SYT16: variants seen among roughly 807,000 people sequenced by gnomAD.
The protein encoded by SYT16 is synaptotagmin 16.
Under a neutral mutation model 61.4 loss-of-function variants are expected in SYT16, and 42 were observed. That is an observed-to-expected ratio of 0.68 (90% CI 0.53 to 0.89). SYT16 has a LOEUF of 0.89. Among genes scored for constraint, SYT16 ranks in the 40% least tolerant of loss-of-function variants. The pLI, the probability that SYT16 is intolerant of heterozygous loss-of-function variation, is 0.00. For missense variants in SYT16, 804 were observed against 807.3 expected (o/e 1.00, Z 0.05); for synonymous variants, 314 against 302.3 (o/e 1.04, Z -0.40).
intron 7 of SYT16, among the ~76,000 whole-genome samples, chr14:62,099,847 C>T (rs1343773872): frequency 6.6e-6 from 1 of 152,088 alleles, no homozygotes; most frequent in Non-Finnish European, 1.5e-5. Context: ...CACTGCACCC[C>T]AGCCTGGGCA....
intron 1 of SYT16, chr14:61,832,237 G>T (rs1323644644): frequency 1.3e-5 from 8 of 622,636 alleles, no homozygotes; most frequent in Middle Eastern, 2.8e-4. Context: ...TCGGGTACGG[G>T]ATAGTCACGT....
At chr14:62,089,824 G>C (rs2057010857) in intron 7 of SYT16, among the ~76,000 whole-genome samples, 1 of 152,216 alleles carries the variant, frequency 6.6e-6, no homozygotes, top group East Asian at 1.9e-4. Context: ...TGAAAAAGCA[G>C]TGTATAGTGT....
chr14:62,095,871 T>C (rs1357957772), intron 7 of SYT16, among the ~76,000 whole-genome samples: 3 of 151,992 alleles, frequency 2.0e-5, no homozygotes, highest in African/African-American at 7.2e-5. Context: ...AAAAAGATGG[T>C]AGAGGGATTA....
chr14:61,838,327 C>T (rs2046196129), intron 1 of SYT16, among the ~76,000 whole-genome samples: 1 of 152,180 alleles, frequency 6.6e-6, no homozygotes, highest in Non-Finnish European at 1.5e-5. Context: ...GCCCAGTCCA[C>T]TCCCCACAGT....
chr14:62,000,447 TG>T (rs1293422071), intron 3 of SYT16, among the ~76,000 whole-genome samples: 1 of 151,940 alleles, frequency 6.6e-6, no homozygotes, highest in Non-Finnish European at 1.5e-5. Flanking sequence ...CTATTTTATG[TG>T]GTAGGTTTCT....
At chr14:61,826,228 C>G (rs747901395) in intron 1 of SYT16, among the ~76,000 whole-genome samples, 1 of 151,974 alleles carries the variant, frequency 6.6e-6, no homozygotes, top group Non-Finnish European at 1.5e-5. Flanking sequence ...CACTCACTCA[C>G]GCTGGGACCA....
At chr14:61,979,497 A>G (rs1042858827) in intron 2 of SYT16, among the ~76,000 whole-genome samples, 3 of 152,170 alleles carry the variant, frequency 2.0e-5, no homozygotes, top group Non-Finnish European at 2.9e-5. Flanking sequence ...CCTTTTAGGC[A>G]TGGCCTACTC....
chr14:62,002,794 C>G (rs1275450975), intron 3 of SYT16, among the ~76,000 whole-genome samples: 2 of 152,022 alleles, frequency 1.3e-5, no homozygotes, highest in Non-Finnish European at 2.9e-5. Context: ...TCAAGAGCTG[C>G]CTGAGACTGG....
chr14:61,939,342 C>G (rs1399614134), intron 1 of SYT16, among the ~76,000 whole-genome samples: 4 of 152,172 alleles, frequency 2.6e-5, no homozygotes, highest in Non-Finnish European at 5.9e-5. Flanking sequence ...GCAAATAATC[C>G]TCCTGTGCAC....
intron 1 of SYT16, among the ~76,000 whole-genome samples, chr14:61,968,410 G>A (rs917605132): frequency 6.6e-6 from 1 of 152,180 alleles, no homozygotes; most frequent in African/African-American, 2.4e-5. Flanking sequence ...TCATGCAAAT[G>A]AGAAAGACAC....
At chr14:61,984,479 T>C (rs745613236) in intron 2 of SYT16, among the ~76,000 whole-genome samples, 2 of 152,174 alleles carry the variant, frequency 1.3e-5, no homozygotes, top group Non-Finnish European at 2.9e-5. Context: ...GCAGGACTCA[T>C]ATTTATATTA....
chr14:62,058,801 C>T (rs2055687192), intron 3 of SYT16, among the ~76,000 whole-genome samples: 1 of 152,092 alleles, frequency 6.6e-6, no homozygotes, highest in African/African-American at 2.4e-5. Flanking sequence ...TTGTCGATAG[C>T]AAAGACATGG....
Position 62,005,937 on chromosome 14 carries a change from G to A in SYT16, c.523+9395G>A, listed in dbSNP as rs2053204219. 2.0e-5 allele frequency among the ~76,000 whole-genome samples: 3 copies of A among 152,242 alleles called. No homozygotes were observed. In the South Asian group the frequency reaches 6.2e-4, roughly 32 times the overall value. On this transcript the variant is annotated intron_variant, in intron 3 of 7. Coordinates refer to ENST00000683842, the MANE Select transcript of SYT16 (RefSeq NM_001367656.1). Reference sequence around the variant, plus strand: ...GAATGCACCATGGGCTTAGAATGAGGCAGCCTCAGCCCAATTCACTCACAG... The same window carrying A: ...GAATGCACCATGGGCTTAGAATGAGACAGCCTCAGCCCAATTCACTCACAG...
At chr14:61,963,178 A>G (rs1033082687) in intron 1 of SYT16, among the ~76,000 whole-genome samples, 11 of 152,134 alleles carry the variant, frequency 7.2e-5, no homozygotes, top group Non-Finnish European at 1.6e-4. Context: ...CAACCCTCCA[A>G]TGGCCTCTGA....
intron 1 of SYT16, among the ~76,000 whole-genome samples, chr14:61,820,313 A>G (rs1234526741): frequency 6.6e-6 from 1 of 152,120 alleles, no homozygotes; most frequent in African/African-American, 2.4e-5. Flanking sequence ...GGGCTACAAC[A>G]GCTACCTCTT....
intron 5 of SYT16, among the ~76,000 whole-genome samples, chr14:62,080,556 A>T (rs2056670243): frequency 6.6e-6 from 1 of 152,184 alleles, no homozygotes; most frequent in East Asian, 1.9e-4. Flanking sequence ...GCTTTTTGAG[A>T]GGCAGTATAT....
chr14:62,058,757 T>C (rs2055684500), intron 3 of SYT16, among the ~76,000 whole-genome samples: 1 of 152,206 alleles, frequency 6.6e-6, no homozygotes, highest in African/African-American at 2.4e-5. Context: ...ATGCTTTGCT[T>C]CCTTGACTTT....
intron 1 of SYT16, among the ~76,000 whole-genome samples, chr14:61,963,250 A>T (rs899183620): frequency 2.0e-5 from 3 of 152,182 alleles, no homozygotes; most frequent in Non-Finnish European, 4.4e-5. Context: ...ATTATACTTC[A>T]TGAGCAAGAC....
chr14:61,862,018 A>G (rs765973423), intron 1 of SYT16, among the ~76,000 whole-genome samples: 10 of 152,186 alleles, frequency 6.6e-5, no homozygotes, highest in Non-Finnish European at 1.5e-4. Context: ...CAAACTTTCA[A>G]TTTGTAAAAA....
Sources: gnomAD v4.1 joint callset for allele counts (sites outside exome capture counted in the v4.1 genomes callset) on GRCh38, gnomAD v4.1.1 for gene constraint, MANE v1.5 for transcripts, NCBI Gene and HGNC (gene_info 2026-07-23, HGNC 2026-07-21) for gene names.